CTNNA2: variants seen among roughly 807,000 people sequenced by gnomAD.
The protein encoded by CTNNA2 is catenin alpha-2.
A neutral mutation model predicts 101.0 loss-of-function variants in CTNNA2; 42 were observed. The observed-to-expected ratio is 0.42, with a 90% CI of 0.32 to 0.54. CTNNA2 has a LOEUF of 0.54. Among genes scored for constraint, CTNNA2 ranks in the 20% least tolerant of loss-of-function variants. The pLI is 0.14. For missense variants in CTNNA2, 871 were observed against 1,223.1 expected, an observed-to-expected ratio of 0.71 and a Z score of 4.29; for synonymous variants, 450 against 456.4, an observed-to-expected ratio of 0.99 and a Z score of 0.18.
intron 3 of CTNNA2, among the ~76,000 whole-genome samples, chr2:79,345,315 A>G (rs4852473): frequency 0.36 from 54,338 of 151,830 alleles, 9,985 homozygotes; most frequent in Admixed American, 0.45. Context: ...GCATTACACT[A>G]TTTTTCAGTG....
At chr2:80,548,462 A>C (rs972581120) in intron 11 of CTNNA2, among the ~76,000 whole-genome samples, 1 of 152,032 alleles carries the variant, frequency 6.6e-6, no homozygotes, top group African/African-American at 2.4e-5. Flanking sequence ...GCTTTTGCTA[A>C]TTTTCCTCCC....
At chr2:80,046,844 A>G (rs1484682734) in intron 7 of CTNNA2, among the ~76,000 whole-genome samples, 1 of 152,200 alleles carries the variant, frequency 6.6e-6, no homozygotes, top group Non-Finnish European at 1.5e-5. Flanking sequence ...TATTAACACC[A>G]TTTTATAAGG....
chr2:79,396,105 A>C (rs1265559865), intron 4 of CTNNA2, among the ~76,000 whole-genome samples: 2 of 152,160 alleles, frequency 1.3e-5, no homozygotes, highest in Non-Finnish European at 2.9e-5. Flanking sequence ...ATTTTTTGGA[A>C]TCATTCTAAT....
intron 8 of CTNNA2, among the ~76,000 whole-genome samples, chr2:80,414,380 G>A (rs1452381738): frequency 2.6e-5 from 4 of 152,080 alleles, no homozygotes; most frequent in African/African-American, 9.7e-5. Flanking sequence ...TCTTATAAAT[G>A]TATCTCTATT....
At chr2:79,796,287 T>A (rs1675688128) in intron 3 of CTNNA2, among the ~76,000 whole-genome samples, 1 of 149,746 alleles carries the variant, frequency 6.7e-6, no homozygotes, top group East Asian at 2.0e-4. Context: ...AAAAGTGGCC[T>A]AAATTCAGGA....
intron 3 of CTNNA2, among the ~76,000 whole-genome samples, chr2:79,316,598 G>GT (rs1676503573): frequency 6.6e-6 from 1 of 151,558 alleles, no homozygotes; most frequent in African/African-American, 2.4e-5. Context: ...TTTTCAACAA[G>GT]TTTTTATAGT....
At chr2:79,817,424 A>C (rs12477562) in intron 3 of CTNNA2, among the ~76,000 whole-genome samples, 1 of 149,770 alleles carries the variant, frequency 6.7e-6, no homozygotes, top group African/African-American at 2.5e-5. Flanking sequence ...TTGCCATAGA[A>C]TAAGTAGCCT....
At chr2:80,504,802 A>G (rs1688142257) in intron 9 of CTNNA2, among the ~76,000 whole-genome samples, 1 of 152,254 alleles carries the variant, frequency 6.6e-6, no homozygotes, top group Non-Finnish European at 1.5e-5. Context: ...AATGAATACC[A>G]GCTTTTTAAA....
chr2:80,560,120 A>G (rs551114132), intron 12 of CTNNA2, among the ~76,000 whole-genome samples: 1 of 151,904 alleles, frequency 6.6e-6, no homozygotes, highest in Non-Finnish European at 1.5e-5. Context: ...AGCACTCTGT[A>G]TGCAGAGATT....
rs979222884 is a variant in CTNNA2 at position 79,305,449 on chromosome 2, G to C, written c.-405-7260G>C. On this transcript the variant is annotated intron_variant, in intron 2 of 21. Coordinates refer to the CTNNA2 transcript ENST00000466387. Reference sequence around the variant, plus strand: ...AGATGCAGATTTGATCCTGATCCTAGAGTTTGTGTTACTACCTTTATTAAT... The same window carrying C: ...AGATGCAGATTTGATCCTGATCCTACAGTTTGTGTTACTACCTTTATTAAT... Among the ~76,000 whole-genome samples, 7 of 150,468 alleles carry C rather than the reference G, an allele frequency of 4.7e-5. No individual in the cohort carries two copies. In the South Asian group the frequency reaches 1.5e-3, roughly 31 times the overall value.
At chr2:79,883,727 C>A (rs1352910942) in intron 6 of CTNNA2, among the ~76,000 whole-genome samples, 1 of 152,006 alleles carries the variant, frequency 6.6e-6, no homozygotes, top group East Asian at 1.9e-4. Flanking sequence ...AGAGAGTATA[C>A]CATATCTTGT....
At chr2:80,254,149 A>T (rs537082524) in intron 7 of CTNNA2, among the ~76,000 whole-genome samples, 1 of 152,176 alleles carries the variant, frequency 6.6e-6, no homozygotes, top group African/African-American at 2.4e-5. Context: ...AACTCTATCT[A>T]TATCTCTATT....
At chr2:79,618,635 C>A (rs887033124) in intron 1 of CTNNA2, among the ~76,000 whole-genome samples, 1 of 151,822 alleles carries the variant, frequency 6.6e-6, no homozygotes, top group African/African-American at 2.4e-5. Flanking sequence ...TCTCCAAGTC[C>A]CATTCTGTAA....
At chr2:80,089,801 C>G (rs1314533433) in intron 7 of CTNNA2, among the ~76,000 whole-genome samples, 2 of 152,088 alleles carry the variant, frequency 1.3e-5, no homozygotes, top group East Asian at 3.9e-4. Context: ...GTGTCCTCAT[C>G]TTGCCAGCCA....
intron 7 of CTNNA2, among the ~76,000 whole-genome samples, chr2:80,013,441 T>C (rs141639277): frequency 0.014 from 2,162 of 152,316 alleles, 28 homozygotes; most frequent in Non-Finnish European, 0.021. Flanking sequence ...ATTCCACTTT[T>C]TAAATTGTTC....
chr2:79,810,928 T>A (rs1041919194), intron 3 of CTNNA2, among the ~76,000 whole-genome samples: 21 of 151,710 alleles, frequency 1.4e-4, no homozygotes, highest in Admixed American at 5.3e-4. Context: ...AGTCTATCAT[T>A]GTTGGACATT....
intron 7 of CTNNA2, among the ~76,000 whole-genome samples, chr2:80,089,632 C>T (rs941485312): frequency 3.3e-5 from 5 of 151,924 alleles, no homozygotes; most frequent in Admixed American, 6.6e-5. Context: ...ATTTATCTAG[C>T]GGTGAGCTTG....
At position 80,589,402 on chromosome 2, in the gene CTNNA2, C is replaced by T; in HGVS notation, c.2106C>T (p.Ala702=). The change falls in exon 15 of 19, where the codon GCC becomes GCT. Residue 702 remains alanine, a synonymous_variant. Coordinates refer to ENST00000402739, the MANE Select transcript of CTNNA2 (RefSeq NM_001282597.3). ...QEKSKLDAEV[A]KWDDSGNDII... is the part of the protein sequence containing the mutation. ...AAAGCAAGCTGGATGCAGAAGTGGC[C>T]AAATGGGACGACAGCGGCAATGATA... 1.2e-6 allele frequency: 2 copies of T among 1,614,020 alleles called. No homozygotes were observed. The highest frequency in any genetic ancestry group is 1.3e-5 in the African/African-American group (1 of 75,014).
chr2:80,296,355 A>G (rs541425628), intron 7 of CTNNA2, among the ~76,000 whole-genome samples: 1 of 152,262 alleles, frequency 6.6e-6, no homozygotes, highest in African/African-American at 2.4e-5. Context: ...TTGTTAATTA[A>G]ATCTCCACTG....
Sources: allele counts gnomAD v4.1 joint callset (sites outside exome capture counted in the v4.1 genomes callset), GRCh38; gene constraint gnomAD v4.1.1; transcripts MANE v1.5; gene names NCBI Gene and HGNC (gene_info 2026-07-23, HGNC 2026-07-21).